SPATA6: variants seen among roughly 807,000 people sequenced by gnomAD.
The protein encoded by SPATA6 is spermatogenesis associated 6.
Under a neutral mutation model 65.3 loss-of-function variants are expected in SPATA6, and 56 were observed. The ratio of observed to expected loss-of-function variants is 0.86; its 90% confidence interval spans 0.69 to 1.07. SPATA6 has a LOEUF of 1.07. Ranked by LOEUF, SPATA6 falls within the 50% of genes least tolerant of loss-of-function variation. The pLI is 0.00. For missense variants in SPATA6, 590 were observed against 594.8 expected (o/e 0.99, Z 0.08); for synonymous variants, 199 against 213.2 (o/e 0.93, Z 0.58).
intron 4 of SPATA6, among the ~76,000 whole-genome samples, chr1:48,412,770 C>T (rs1652372110): frequency 1.3e-5 from 2 of 152,120 alleles, no homozygotes; most frequent in Admixed American, 6.5e-5. Context: ...AGATGCCCAC[C>T]ACCACACCTG....
intron 1 of SPATA6, among the ~76,000 whole-genome samples, chr1:48,471,333 G>A (rs1658227242): frequency 6.6e-6 from 1 of 152,180 alleles, no homozygotes; most frequent in Non-Finnish European, 1.5e-5. Context: ...AAAGTCGGAA[G>A]GGTCTGGGGA....
intron 9 of SPATA6, among the ~76,000 whole-genome samples, chr1:48,372,068 C>A (rs1482626414): frequency 6.6e-6 from 1 of 152,072 alleles, no homozygotes; most frequent in Non-Finnish European, 1.5e-5. Context: ...CCACCCCTGG[C>A]ACCTCCAAAT....
chr1:48,445,699 T>G (rs1655986439), intron 3 of SPATA6, among the ~76,000 whole-genome samples: 1 of 141,612 alleles, frequency 7.1e-6, no homozygotes, highest in Non-Finnish European at 1.5e-5. Context: ...CTAACACATG[T>G]ACCACCTGAA....
At chr1:48,404,762 T>C (rs1651536443) in intron 5 of SPATA6, among the ~76,000 whole-genome samples, 1 of 152,256 alleles carries the variant, frequency 6.6e-6, no homozygotes, top group Admixed American at 6.5e-5. Context: ...TAATGTATCT[T>C]ACATTCATAT....
At chr1:48,276,544 T>TA in the SPATA6 span, among the ~76,000 whole-genome samples, 2 of 152,156 alleles carry the variant, frequency 1.3e-5, no homozygotes, top group Admixed American at 6.6e-5. Flanking sequence ...TCTTTGTTCT[T>TA]ATTCGTTTTA....
intron 12 of SPATA6, among the ~76,000 whole-genome samples, chr1:48,301,706 G>C (rs1426855993): frequency 6.6e-6 from 1 of 152,036 alleles, no homozygotes; most frequent in Non-Finnish European, 1.5e-5. Flanking sequence ...ACAGAATAGA[G>C]AATGAAGAAA....
the SPATA6 span, among the ~76,000 whole-genome samples, chr1:48,280,905 C>T: frequency 6.6e-6 from 1 of 152,160 alleles, no homozygotes; most frequent in East Asian, 1.9e-4. Context: ...GACCAATATC[C>T]TTGATGAACA....
intron 3 of SPATA6, among the ~76,000 whole-genome samples, chr1:48,421,164 T>A (rs1346108002): frequency 6.6e-6 from 1 of 152,128 alleles, no homozygotes; most frequent in Non-Finnish European, 1.5e-5. Context: ...CAATGTATGG[T>A]ATATTTCAAA....
chr1:48,266,615 T>C, the SPATA6 span, among the ~76,000 whole-genome samples: 3 of 152,354 alleles, frequency 2.0e-5, no homozygotes, highest in Admixed American at 6.5e-5. Context: ...TAGACAAAAA[T>C]TCACTAAAGT....
chr1:48,421,695 C>G (rs1391697033), intron 3 of SPATA6, among the ~76,000 whole-genome samples: 1 of 151,718 alleles, frequency 6.6e-6, no homozygotes, highest in African/African-American at 2.4e-5. Context: ...AAAAAGAAAA[C>G]AAATTGGGTG....
intron 11 of SPATA6, among the ~76,000 whole-genome samples, chr1:48,353,747 T>A (rs1057102673): frequency 1.3e-5 from 2 of 151,920 alleles, no homozygotes; most frequent in East Asian, 1.9e-4. Context: ...ATGTGACCCC[T>A]AGCTACCACT....
intron 3 of SPATA6, among the ~76,000 whole-genome samples, chr1:48,423,586 C>G (rs1488223006): frequency 1.8e-5 from 1 of 54,628 alleles, no homozygotes. Context: ...TTTTTTTTGT[C>G]ACACAGGCTG....
the SPATA6 span, among the ~76,000 whole-genome samples, chr1:48,276,100 A>G: frequency 1.3e-5 from 2 of 152,156 alleles, no homozygotes; most frequent in South Asian, 4.1e-4. Context: ...CATTTCTTCT[A>G]CATTTTCTAG....
chr1:48,295,274 A>G (rs1422832596), downstream of SPATA6: 1 of 152,180 alleles, frequency 6.6e-6, no homozygotes, highest in African/African-American at 2.4e-5. Flanking sequence ...ATGTCCACAC[A>G]AAAAACTTGT....
chr1:48,413,073 T>C (rs2147988401), intron 4 of SPATA6, 37 bp downstream of exon 4: 2 of 676,278 alleles, frequency 3.0e-6, no homozygotes, highest in East Asian at 8.0e-5. Context: ...CAATTTATGA[T>C]ATCTTATATT....
In SPATA6 at chr1:48,367,759, G is replaced by C. The variant is rs568489329; in HGVS notation, c.910-7989C>G. 6.2e-4 allele frequency among the ~76,000 whole-genome samples: 94 copies of C among 152,306 alleles called. 2 individuals are homozygous for C. The South Asian group carries it at 0.011, about 18-fold the overall frequency. On this transcript the variant is annotated intron_variant, in intron 9 of 12. Coordinates refer to ENST00000371847, the MANE Select transcript of SPATA6 (RefSeq NM_019073.4). ...TCTTGACTCTTTATCCAATTTGCCA[G>C]TCTGTGTCTTTTAATTGGAGCATTT...
intron 1 of SPATA6, among the ~76,000 whole-genome samples, chr1:48,471,521 G>A (rs1658244078): frequency 6.6e-6 from 1 of 152,068 alleles, no homozygotes. Flanking sequence ...GTCTGAAATG[G>A]TGTGCCTGCA....
chr1:48,436,348 G>A, intron 3 of SPATA6: 1 of 1,612,270 alleles, frequency 6.2e-7, no homozygotes, highest in Non-Finnish European at 8.5e-7. Flanking sequence ...AGTTTTCACT[G>A]TTGGCAGCTG....
chr1:48,468,448 TTACATATATTTACACTG>T (rs1433821660), intron 1 of SPATA6, among the ~76,000 whole-genome samples: 1 of 152,220 alleles, frequency 6.6e-6, no homozygotes, highest in African/African-American at 2.4e-5. Flanking sequence ...TTGTCAAAAC[TTACATATATTTACACTG>T]TACAAAGTGA....
Sources: allele counts gnomAD v4.1 joint callset (sites outside exome capture counted in the v4.1 genomes callset), GRCh38; gene constraint gnomAD v4.1.1; transcripts MANE v1.5; gene names NCBI Gene and HGNC (gene_info 2026-07-23, HGNC 2026-07-21).